The following CTNNA2 variants were observed in gnomAD, a reference collection of about 807,000 sequenced individuals.
The protein encoded by CTNNA2 is catenin alpha-2.
In CTNNA2, 42 loss-of-function variants were observed where a neutral mutation model predicts 101.0. The ratio of observed to expected loss-of-function variants is 0.42; its 90% CI spans 0.32 to 0.54. The LOEUF (loss-of-function observed/expected upper bound fraction) is 0.54, where lower values mean the gene tolerates loss of function less well. Ranked by LOEUF, CTNNA2 falls within the 20% of genes least tolerant of loss-of-function variation. The pLI is 0.14. For synonymous variants in CTNNA2, 450 were observed against 456.4 expected, an observed-to-expected ratio of 0.99 and a Z score of 0.18; for missense variants, 871 against 1,223.1, an observed-to-expected ratio of 0.71 and a Z score of 4.29.
At chr2:79,416,636 CACTT>C (rs1678485942) in intron 4 of CTNNA2, among the ~76,000 whole-genome samples, 1 of 152,032 alleles carries the variant, frequency 6.6e-6, no homozygotes, top group African/African-American at 2.4e-5. Context: ...TATAAAAACT[CACTT>C]ACTTCCGGAA....
At chr2:79,692,071 C>G (rs535155511) in intron 2 of CTNNA2, among the ~76,000 whole-genome samples, 2 of 152,054 alleles carry the variant, frequency 1.3e-5, no homozygotes, top group East Asian at 3.9e-4. Context: ...GAAACTATCA[C>G]CAGAGTGAAC....
Position 80,223,141 on chromosome 2 carries a change from A to G in CTNNA2, c.1057-170070A>G, listed in dbSNP as rs183159644. ...GTAAATTCTATGGGCTGTCCAGTGC[A>G]CTGGAAAGATCAGGCAAATTGAGTT... On this transcript the variant is annotated intron_variant, in intron 7 of 18. Coordinates refer to ENST00000402739, the MANE Select transcript of CTNNA2 (RefSeq NM_001282597.3). Among the ~76,000 whole-genome samples, 31 of 152,314 alleles carry G rather than the reference A, an allele frequency of 2.0e-4. No homozygotes were observed. The East Asian group carries it at 6.0e-3, about 29-fold the overall frequency.
chr2:79,484,458 G>T (rs905754193), intron 4 of CTNNA2, among the ~76,000 whole-genome samples: 1 of 152,020 alleles, frequency 6.6e-6, no homozygotes, highest in Admixed American at 6.6e-5. Flanking sequence ...CAAAACAGAG[G>T]ATTCCTCCCT....
At chr2:79,710,841 C>A (rs973967443) in intron 2 of CTNNA2, among the ~76,000 whole-genome samples, 3 of 152,112 alleles carry the variant, frequency 2.0e-5, no homozygotes, top group African/African-American at 7.2e-5. Flanking sequence ...AGACTTAATA[C>A]CCCACATGAA....
chr2:79,257,474 G>T (rs1037411299), intron 2 of CTNNA2, among the ~76,000 whole-genome samples: 6 of 151,200 alleles, frequency 4.0e-5, no homozygotes, highest in African/African-American at 1.5e-4. Context: ...GACAAGCAAT[G>T]GCAGAGGAAG....
At chr2:79,653,322 A>T (rs1167332308) in intron 2 of CTNNA2, among the ~76,000 whole-genome samples, 1 of 152,068 alleles carries the variant, frequency 6.6e-6, no homozygotes, top group African/African-American at 2.4e-5. Context: ...GCCTTCGTGC[A>T]TTTCATCCCT....
chr2:80,450,909 T>C (rs1289442412), intron 9 of CTNNA2, among the ~76,000 whole-genome samples: 1 of 152,172 alleles, frequency 6.6e-6, no homozygotes, highest in Non-Finnish European at 1.5e-5. Flanking sequence ...TATTTCTATT[T>C]CATAGTCTTT....
At chr2:79,645,321 C>T (rs1680743602) in intron 1 of CTNNA2, among the ~76,000 whole-genome samples, 1 of 152,108 alleles carries the variant, frequency 6.6e-6, no homozygotes, top group South Asian at 2.1e-4. Flanking sequence ...GCAACTTTCT[C>T]TACTGTTTTA....
intron 4 of CTNNA2, 59 bp from the exon 5 acceptor site, chr2:79,869,757 A>T (rs1414894470): frequency 6.4e-7 from 1 of 1,569,788 alleles, no homozygotes; most frequent in Non-Finnish European, 8.6e-7. Flanking sequence ...CATTTCTAAC[A>T]TGTTGAATAA....
At chr2:79,321,382 A>T (rs56092810) in intron 3 of CTNNA2, among the ~76,000 whole-genome samples, 10,449 of 151,908 alleles carry the variant, frequency 0.069, 477 homozygotes, top group East Asian at 0.13. Context: ...CATAGAAACC[A>T]ATACGTATGA....
chr2:79,805,585 C>A (rs2105315448), intron 3 of CTNNA2, among the ~76,000 whole-genome samples: 1 of 152,002 alleles, frequency 6.6e-6, no homozygotes, highest in Admixed American at 6.5e-5. Context: ...AGCTCATTGT[C>A]TCAGAAGGTA....
chr2:79,777,002 A>G (rs917905300), intron 3 of CTNNA2: 58 of 152,196 alleles, frequency 3.8e-4, no homozygotes, highest in African/African-American at 1.4e-3. Flanking sequence ...CGACTCGTGT[A>G]TGTGAGACCT....
At chr2:79,339,016 G>T in intron 3 of CTNNA2, among the ~76,000 whole-genome samples, 1 of 152,086 alleles carries the variant, frequency 6.6e-6, no homozygotes, top group African/African-American at 2.4e-5. Flanking sequence ...TATTGAAGCA[G>T]CTGGATACAT....
chr2:79,936,246 G>A (rs536397466), intron 7 of CTNNA2, among the ~76,000 whole-genome samples: 1 of 54,956 alleles, frequency 1.8e-5, no homozygotes, highest in African/African-American at 4.7e-5. Flanking sequence ...TCTCATGCTG[G>A]GATTTTTTTT....
chr2:80,495,434 G>C (rs1687374012), intron 9 of CTNNA2, among the ~76,000 whole-genome samples: 1 of 152,088 alleles, frequency 6.6e-6, no homozygotes, highest in Admixed American at 6.6e-5. Flanking sequence ...TAGAAGATAA[G>C]ATTATGTGGG....
chr2:79,847,949 C>A (rs1680372228), intron 3 of CTNNA2, among the ~76,000 whole-genome samples: 1 of 152,158 alleles, frequency 6.6e-6, no homozygotes, highest in African/African-American at 2.4e-5. Context: ...TGAAGTCACA[C>A]TTCAACTACC....
At chr2:79,759,484 AG>A (rs1274646025) in intron 3 of CTNNA2, among the ~76,000 whole-genome samples, 1 of 152,180 alleles carries the variant, frequency 6.6e-6, no homozygotes, top group Non-Finnish European at 1.5e-5. Flanking sequence ...AGGCTCACCA[AG>A]CTTGCTCTGC....
chr2:79,746,855 G>A (rs1012646796), intron 3 of CTNNA2, among the ~76,000 whole-genome samples: 2 of 152,104 alleles, frequency 1.3e-5, no homozygotes, highest in African/African-American at 2.4e-5. Flanking sequence ...TGTCTTTCAT[G>A]CCATACTATA....
intron 7 of CTNNA2, among the ~76,000 whole-genome samples, chr2:79,975,501 G>C (rs1343566736): frequency 7.2e-5 from 11 of 152,078 alleles, no homozygotes; most frequent in African/African-American, 2.7e-4. Flanking sequence ...GGTAGTGTCA[G>C]ATCCTACAGG....
Sources: allele counts gnomAD v4.1 joint callset (sites outside exome capture counted in the v4.1 genomes callset), GRCh38; gene constraint gnomAD v4.1.1; transcripts MANE v1.5; gene names NCBI Gene and HGNC (gene_info 2026-07-23, HGNC 2026-07-21).